POPDC2: variants seen among roughly 807,000 people sequenced by gnomAD.
POPDC2 encodes popeye domain-containing protein 2.
In POPDC2, 24 loss-of-function variants were observed where a neutral mutation model predicts 30.5. That is an observed-to-expected ratio of 0.79 (90% CI 0.57 to 1.11). The LOEUF (loss-of-function observed/expected upper bound fraction) is 1.11, where lower values mean the gene tolerates loss of function less well. POPDC2 is among the 50% of genes least tolerant of loss of function. The pLI is 0.00. For missense variants in POPDC2, 409 were observed against 447.0 expected (o/e 0.91, Z 0.77); for synonymous variants, 185 against 183.3 (o/e 1.01, Z -0.07).
At chr3:119,646,477 T>A (rs1041973418) in intron 3 of POPDC2, among the ~76,000 whole-genome samples, 1 of 151,868 alleles carries the variant, frequency 6.6e-6, no homozygotes, top group African/African-American at 2.4e-5. Flanking sequence ...CAAAAAAATT[T>A]AAAAATTAAA....
chr3:119,644,177 C>T (rs2052720358), intron 3 of POPDC2, among the ~76,000 whole-genome samples: 1 of 152,170 alleles, frequency 6.6e-6, no homozygotes, highest in Non-Finnish European at 1.5e-5. Context: ...ATCTGTTCAT[C>T]ATTTGCTTAT....
chr3:119,655,947 C>A (rs1338956089), intron 1 of POPDC2, among the ~76,000 whole-genome samples: 2 of 152,142 alleles, frequency 1.3e-5, no homozygotes, highest in Admixed American at 6.5e-5. Context: ...GCACCCTATC[C>A]AGCTGATGGT....
At chr3:119,653,088 T>G (rs2052834148) in intron 2 of POPDC2, among the ~76,000 whole-genome samples, 1 of 152,038 alleles carries the variant, frequency 6.6e-6, no homozygotes, top group South Asian at 2.1e-4. Context: ...GTGTGTAAAC[T>G]CTACTCTTCT....
chr3:119,659,767 C>T (rs2052919720), intron 1 of POPDC2, among the ~76,000 whole-genome samples, 166 bp downstream of exon 1: 1 of 152,166 alleles, frequency 6.6e-6, no homozygotes, highest in African/African-American at 2.4e-5. Flanking sequence ...GAGGAAGCAA[C>T]CCCACTCTTA....
At chr3:119,656,824 AT>A (rs2052884877) in intron 1 of POPDC2, among the ~76,000 whole-genome samples, 1 of 152,216 alleles carries the variant, frequency 6.6e-6, no homozygotes, top group South Asian at 2.1e-4. Flanking sequence ...TGGGGGAGAT[AT>A]CCTTCCATTA....
chr3:119,646,912 T>G (rs2052751752), intron 3 of POPDC2, among the ~76,000 whole-genome samples: 1 of 151,772 alleles, frequency 6.6e-6, no homozygotes, highest in Admixed American at 6.6e-5. Flanking sequence ...GGGAAAGGAG[T>G]GATCAGAGTT....
At chr3:119,644,398 G>A (rs1235057468) in intron 3 of POPDC2, among the ~76,000 whole-genome samples, 2 of 152,168 alleles carry the variant, frequency 1.3e-5, no homozygotes, top group African/African-American at 4.8e-5. Flanking sequence ...GATCCCTGTG[G>A]AGAGTGGCCA....
chr3:119,654,496 C>A lies in POPDC2; in HGVS notation c.600+9G>T, dbSNP rs763704413. 6.3e-7 allele frequency: 1 copy of A among 1,584,196 alleles called. No homozygotes were observed. On this transcript the variant is annotated intron_variant, in intron 2 of 3. Coordinates refer to ENST00000493094, the MANE Select transcript of POPDC2 (RefSeq NM_001369919.2). ...GGTGAGGCGGTGCTGCCACCAGGCT[C>A]CCTGTTACCTGGAACACCCCCTCCT...
At chr3:119,643,924 C>A (rs77152113) in intron 3 of POPDC2, among the ~76,000 whole-genome samples, 1 of 152,194 alleles carries the variant, frequency 6.6e-6, no homozygotes, top group Non-Finnish European at 1.5e-5. Context: ...ACAAGAACTA[C>A]ACCAAATTAA....
At chr3:119,646,504 C>A (rs1327892504) in intron 3 of POPDC2, among the ~76,000 whole-genome samples, 1 of 151,990 alleles carries the variant, frequency 6.6e-6, no homozygotes, top group African/African-American at 2.4e-5. Flanking sequence ...CCAGGCACAG[C>A]GACATGTGCC....
rs752956506 is a variant in POPDC2 at position 119,660,373 on chromosome 3, C to T, written c.51G>A (p.Ala17=). 37 of 1,613,960 alleles carry T rather than the reference C, an allele frequency of 2.3e-5. No homozygotes were observed. Among genetic ancestry groups the T allele is most frequent in the African/African-American group, 6.7e-5 (5 of 74,918 alleles). ...CCACATCCTGCTTCCACCTAATGCA[C>T]GCTGAACCCTGCAAGAGAAGCTGGC... ...RVGQLLLQGS[A]CIRWKQDVEG... The change falls in exon 1 of 4, where the codon GCG becomes GCA. Residue 17 remains alanine (A), a synonymous_variant. Transcript: ENST00000493094.
chr3:119,642,823 C>A (rs529204309), intron 3 of POPDC2, among the ~76,000 whole-genome samples: 25 of 152,256 alleles, frequency 1.6e-4, no homozygotes, highest in African/African-American at 5.1e-4. Flanking sequence ...TTCCTATGAA[C>A]GTTCTATAGA....
intron 1 of POPDC2, among the ~76,000 whole-genome samples, chr3:119,659,632 G>A (rs1376491646): frequency 1.3e-5 from 2 of 152,164 alleles, no homozygotes; most frequent in African/African-American, 4.8e-5. Context: ...ATGGTAGAGG[G>A]GTTATTTAAG....
intron 2 of POPDC2, among the ~76,000 whole-genome samples, chr3:119,649,086 A>AT (rs1189611686): frequency 6.6e-6 from 1 of 152,200 alleles, no homozygotes; most frequent in Non-Finnish European, 1.5e-5. Flanking sequence ...CATTTTAAGA[A>AT]TGAGGAAGGG....
At chr3:119,658,212 C>G (rs760444346) in intron 1 of POPDC2, among the ~76,000 whole-genome samples, 4 of 152,128 alleles carry the variant, frequency 2.6e-5, no homozygotes, top group Non-Finnish European at 5.9e-5. Flanking sequence ...GAAGCCTTTT[C>G]CTCTATGTCC....
chr3:119,650,172 C>T lies in POPDC2; in HGVS notation c.601-1504G>A, dbSNP rs538832998. Among the ~76,000 whole-genome samples, 67 of 152,300 alleles carry T rather than the reference C, an allele frequency of 4.4e-4. No homozygotes were observed. The South Asian group carries it at 0.013, about 29-fold the overall frequency. On this transcript the variant is annotated intron_variant, in intron 2 of 3. Transcript: ENST00000493094. ...AGCACATGTGTTTGAGCAAGAACTA[C>T]GCCGAATGTAAATAATGTCTTAAAG... is the stretch of plus-strand genomic sequence containing the variant.
intron 2 of POPDC2, among the ~76,000 whole-genome samples, chr3:119,653,564 G>A (rs368458408): frequency 8.6e-5 from 13 of 151,068 alleles, no homozygotes; most frequent in African/African-American, 2.4e-4. Flanking sequence ...TGCAAGCTCC[G>A]CCTCCCGGGT....
At chr3:119,656,767 G>A (rs533619918) in intron 1 of POPDC2, among the ~76,000 whole-genome samples, 1 of 152,248 alleles carries the variant, frequency 6.6e-6, no homozygotes, top group South Asian at 2.1e-4. Context: ...CCTCTATTAG[G>A]CAAAGGGGGA....
intron 2 of POPDC2, among the ~76,000 whole-genome samples, chr3:119,649,059 A>AACCACAG: frequency 6.6e-6 from 1 of 152,220 alleles, no homozygotes; most frequent in African/African-American, 2.4e-5. Flanking sequence ...AGAGTGGTTG[A>AACCACAG]AATGCTGACA....
Sources: allele counts gnomAD v4.1 joint callset (sites outside exome capture counted in the v4.1 genomes callset), GRCh38; gene constraint gnomAD v4.1.1; transcripts MANE v1.5; gene names NCBI Gene and HGNC (gene_info 2026-07-23, HGNC 2026-07-21).